The following PLBD1 variants were observed in gnomAD, a reference collection of about 807,000 sequenced individuals.
PLBD1 encodes the protein lysosomal leucine aminopeptidase.
In PLBD1, 60 loss-of-function variants were observed where a neutral mutation model predicts 63.0. The ratio of observed to expected loss-of-function variants is 0.95; its 90% CI spans 0.77 to 1.18. The LOEUF (loss-of-function observed/expected upper bound fraction) is 1.18. PLBD1 is among the 50% of genes most tolerant of loss of function. The pLI is 0.00. For synonymous variants in PLBD1, 262 were observed against 248.0 expected, an observed-to-expected ratio of 1.06 and a Z score of -0.53; for missense variants, 598 against 677.9, an observed-to-expected ratio of 0.88 and a Z score of 1.31.
intron 1 of PLBD1, among the ~76,000 whole-genome samples, chr12:14,558,165 G>A (rs1945721203): frequency 6.6e-6 from 1 of 151,976 alleles, no homozygotes; most frequent in Admixed American, 6.6e-5. Context: ...GCTTAGTCAG[G>A]CTTAGAAACT....
intron 6 of PLBD1, among the ~76,000 whole-genome samples, chr12:14,513,373 GT>G (rs1174902347): frequency 1.3e-5 from 2 of 152,104 alleles, no homozygotes; most frequent in Admixed American, 6.5e-5. Flanking sequence ...TGGACTTAAT[GT>G]TTTTGTTTTT....
intron 8 of PLBD1, among the ~76,000 whole-genome samples, chr12:14,507,992 T>C (rs76146061): frequency 0.026 from 3,996 of 152,318 alleles, 188 homozygotes; most frequent in African/African-American, 0.091. Flanking sequence ...CTTTTCTGCC[T>C]TTCTCCTTTG....
intron 4 of PLBD1, among the ~76,000 whole-genome samples, chr12:14,540,027 T>TAC (rs1945556219): frequency 7.3e-5 from 1 of 13,696 alleles, no homozygotes; most frequent in African/African-American, 8.8e-5. Flanking sequence ...TATATATATA[T>TAC]ATATATATAT....
intron 1 of PLBD1, among the ~76,000 whole-genome samples, chr12:14,562,260 C>T (rs1301158454): frequency 6.6e-6 from 1 of 151,952 alleles, no homozygotes; most frequent in African/African-American, 2.4e-5. Flanking sequence ...GAGTTTGAGA[C>T]CCACCTGCCC....
Position 14,540,796 on chromosome 12 carries a change from C to T in PLBD1, c.526G>A (p.Ala176Thr). The change falls in exon 4 of 11, where the codon GCA becomes ACA. Residue 176 changes from alanine to threonine, a missense_variant. Ala to Thr is a moderately conservative substitution (Grantham distance 58, BLOSUM62 0). Coordinates refer to ENST00000240617, the MANE Select transcript of PLBD1 (RefSeq NM_024829.6). ...CCTTCTAATATAGCCCTCTTCTTTGCTCCTACATAGAGGCCATCTATTTGT... is the reference window on the plus strand; with the variant it reads ...CCTTCTAATATAGCCCTCTTCTTTGTTCCTACATAGAGGCCATCTATTTGT... ...MAQIDGLYVG[A>T]KKRAILEGTK... The T allele has an allele frequency of 6.2e-7, 1 of 1,608,726 alleles. No individual in the cohort carries two copies.
At chr12:14,519,706 C>A (rs1945362015) in intron 6 of PLBD1, among the ~76,000 whole-genome samples, 1 of 151,718 alleles carries the variant, frequency 6.6e-6, no homozygotes, top group Non-Finnish European at 1.5e-5. Context: ...AGAGGGTGGC[C>A]ATCTGTAGGC....
intron 2 of PLBD1, among the ~76,000 whole-genome samples, chr12:14,542,895 A>G (rs1945586519): frequency 6.6e-6 from 1 of 152,126 alleles, no homozygotes; most frequent in African/African-American, 2.4e-5. Context: ...AAAATGGAAA[A>G]AATTAGCCAG....
At chr12:14,548,482 A>G (rs1321923938) in intron 2 of PLBD1, among the ~76,000 whole-genome samples, 1 of 129,976 alleles carries the variant, frequency 7.7e-6, no homozygotes, top group South Asian at 2.4e-4. Flanking sequence ...AAAAAAAAAA[A>G]GAAGAAGAAG....
At position 14,506,180 on chromosome 12, in the gene PLBD1, T is replaced by C. The variant is rs766726585; in HGVS notation, c.1461A>G (p.Gly487=). The C allele has an allele frequency of 1.9e-6, 3 of 1,609,700 alleles. No homozygotes were observed. Among genetic ancestry groups the C allele is most frequent in the African/African-American group, 1.3e-5 (1 of 74,776 alleles). ...EDLNSPNPSP[G]GCYDTKVADI... is the part of the protein sequence containing the mutation. ...ATGTTACCTTTGTGTCATAACAACC[T>C]CCAGGACTTGGGTTAGGTGAGTTCA... Residue 487 remains glycine, a synonymous_variant, in exon 10 of 11, where the codon GGA becomes GGG. Transcript: ENST00000240617.
At chr12:14,555,355 T>C (rs1480087869) in intron 1 of PLBD1, among the ~76,000 whole-genome samples, 2 of 152,080 alleles carry the variant, frequency 1.3e-5, no homozygotes, top group Admixed American at 6.6e-5. Context: ...CTGGCCAACA[T>C]GGAGAAACCT....
chr12:14,565,630 C>T (rs1181165160), intron 1 of PLBD1, among the ~76,000 whole-genome samples: 1 of 152,054 alleles, frequency 6.6e-6, no homozygotes, highest in East Asian at 1.9e-4. Flanking sequence ...CTGGGTACTT[C>T]AGAGAACACA....
At chr12:14,521,132 A>G (rs534594678) in intron 6 of PLBD1, among the ~76,000 whole-genome samples, 1 of 152,302 alleles carries the variant, frequency 6.6e-6, no homozygotes, top group South Asian at 2.1e-4. Context: ...CCTATCCACC[A>G]GGAATAAGCT....
chr12:14,521,207 C>T (rs1424496613), intron 6 of PLBD1, among the ~76,000 whole-genome samples: 1 of 152,124 alleles, frequency 6.6e-6, no homozygotes, highest in Non-Finnish European at 1.5e-5. Context: ...TTACTCAGAG[C>T]ATAGGCCCAG....
chr12:14,531,535 T>C (rs1298273768), intron 6 of PLBD1, among the ~76,000 whole-genome samples: 1 of 152,224 alleles, frequency 6.6e-6, no homozygotes, highest in Non-Finnish European at 1.5e-5. Flanking sequence ...GTTTTATGGT[T>C]ACTAAAGCTA....
chr12:14,547,490 A>G (rs1945624613), intron 2 of PLBD1, among the ~76,000 whole-genome samples: 1 of 152,144 alleles, frequency 6.6e-6, no homozygotes, highest in African/African-American at 2.4e-5. Context: ...TCTAAGCTAT[A>G]TCTTACTAAA....
chr12:14,503,760 C>T lies in PLBD1; in HGVS notation c.*12G>A. ...TCTTATTTACAGTCTTCTAGTCCGT[C>T]ATCTCCCTCCTTCATTTTATATCAA... is the stretch of plus-strand genomic sequence containing the variant. On this transcript the variant is annotated 3_prime_UTR_variant, in exon 11 of 11. Transcript: ENST00000240617. 1 of 1,607,348 alleles carries T rather than the reference C, an allele frequency of 6.2e-7. No homozygotes were observed. The highest frequency in any genetic ancestry group is 8.5e-7 in the Non-Finnish European group (1 of 1,174,296).
intron 6 of PLBD1, among the ~76,000 whole-genome samples, chr12:14,514,721 A>G (rs1027567767): frequency 6.6e-6 from 1 of 151,742 alleles, no homozygotes; most frequent in African/African-American, 2.4e-5. Flanking sequence ...CTTTGACTAC[A>G]TACAATTATA....
intron 6 of PLBD1, among the ~76,000 whole-genome samples, chr12:14,519,459 A>C (rs976559724): frequency 1.3e-4 from 19 of 151,976 alleles, no homozygotes; most frequent in African/African-American, 4.6e-4. Context: ...CTCCACTAAA[A>C]ATACAAAAAA....
At chr12:14,527,421 CGTTT>C (rs918196816) in intron 6 of PLBD1, among the ~76,000 whole-genome samples, 5 of 152,134 alleles carry the variant, frequency 3.3e-5, no homozygotes, top group African/African-American at 1.2e-4. Context: ...GCTCCCAAAA[CGTTT>C]GTTACCACAC....
Sources: gnomAD v4.1 joint callset for allele counts (sites outside exome capture counted in the v4.1 genomes callset) on GRCh38, gnomAD v4.1.1 for gene constraint, MANE v1.5 for transcripts, NCBI Gene and HGNC (gene_info 2026-07-23, HGNC 2026-07-21) for gene names.